RIOK1: variants seen among roughly 807,000 people sequenced by gnomAD.
RIOK1 encodes the protein serine/threonine-protein kinase RIO1.
Under a neutral mutation model 73.5 loss-of-function variants are expected in RIOK1, and 66 were observed. The ratio of observed to expected loss-of-function variants is 0.90; its 90% CI spans 0.74 to 1.10. The LOEUF (loss-of-function observed/expected upper bound fraction) is 1.10. RIOK1 is among the 50% of genes least tolerant of loss of function. RIOK1 has a pLI of 0.00. For synonymous variants in RIOK1, 224 were observed against 226.8 expected (o/e 0.99, Z 0.11); for missense variants, 658 against 699.8 (o/e 0.94, Z 0.67).
intron 16 of RIOK1, 142 bp from the exon 17 acceptor site, chr6:7,417,189 T>C: frequency 2.0e-6 from 1 of 504,100 alleles, no homozygotes; most frequent in South Asian, 2.6e-5. Context: ...AGGTGGAGGC[T>C]GAAGTGAACC....
In RIOK1 at chr6:7,403,929, A is replaced by T. The variant is rs1271966414; in HGVS notation, c.768-12A>T. On this transcript the variant is annotated splice_polypyrimidine_tract_variant and intron_variant, in intron 8 of 16. Coordinates refer to ENST00000379834, the MANE Select transcript of RIOK1 (RefSeq NM_031480.3). The stretch of plus-strand genomic sequence containing the variant: ...CTTTTCAGTTGTCCTTTTATTTGTT[A>T]TAATATCACAGGCTAAACACAGCAG... The T allele has an allele frequency of 2.5e-6, 4 of 1,594,954 alleles. No homozygotes were observed. In the South Asian group the frequency reaches 3.3e-5, roughly 13 times the overall value.
intron 8 of RIOK1, 118 bp from the exon 9 acceptor site, chr6:7,403,823 T>A: frequency 1.6e-6 from 1 of 638,702 alleles, no homozygotes. Context: ...TATAATACAT[T>A]TGAGAGGCCT....
In RIOK1 at chr6:7,409,103, A is replaced by G. The variant is rs570191175; in HGVS notation, c.1204-1283A>G. On this transcript the variant is annotated intron_variant, in intron 12 of 16. Transcript: ENST00000379834. ...CAGTGTGCAATTTCGGCTCACTGCA[A>G]TCTCCGCCTCCCAGGTTAAAGCAGT... Among the ~76,000 whole-genome samples, 8 of 151,918 alleles carry G rather than the reference A, an allele frequency of 5.3e-5. No individual in the cohort carries two copies. In the East Asian group the frequency reaches 1.4e-3, roughly 26 times the overall value.
chr6:7,408,582 T>C (rs1761806113), intron 12 of RIOK1, among the ~76,000 whole-genome samples: 1 of 152,160 alleles, frequency 6.6e-6, no homozygotes, highest in African/African-American at 2.4e-5. Context: ...AATTATGAAC[T>C]TTTATGGAAC....
At chr6:7,407,514 T>G in intron 12 of RIOK1, among the ~76,000 whole-genome samples, 1 of 151,112 alleles carries the variant, frequency 6.6e-6, no homozygotes, top group Admixed American at 6.6e-5. Flanking sequence ...AGAGACAGGG[T>G]CTCTCTGTTA....
rs1762037695 is a variant in RIOK1 at position 7,417,461 on chromosome 6, A to G, written c.*20A>G. On this transcript the variant is annotated 3_prime_UTR_variant, in exon 17 of 17. Coordinates refer to ENST00000379834, the MANE Select transcript of RIOK1 (RefSeq NM_031480.3). ...AAATAGAATGAGAACCATATTATGT[A>G]CAGTCATTTTCCTCAGTTCCTTTTC... 1 of 1,422,268 alleles carries G rather than the reference A, an allele frequency of 7.0e-7. No individual in the cohort carries two copies. 88.1% of individuals were successfully genotyped at this position (1,422,268 alleles called of 1,614,324 possible). A position where few individuals can be genotyped will look rare whatever the true frequency, so the allele number is the denominator to read the frequency against.
chr6:7,408,394 C>T (rs1761801675), intron 12 of RIOK1, among the ~76,000 whole-genome samples: 2 of 152,056 alleles, frequency 1.3e-5, no homozygotes, highest in Middle Eastern at 3.4e-3. Context: ...CAATACCTTC[C>T]CATTTCTGCC....
chr6:7,392,848 A>T (rs552333342), intron 1 of RIOK1: 119 of 833,418 alleles, frequency 1.4e-4, no homozygotes, highest in Non-Finnish European at 1.7e-4. Flanking sequence ...ACAAGGCAGA[A>T]GCAGATTTAA....
In RIOK1 at chr6:7,400,747, G is replaced by T. The variant is rs976191358; in HGVS notation, c.481-211G>T. On this transcript the variant is annotated intron_variant, in intron 5 of 16. Transcript: ENST00000379834. ...TTTCCATGACTGGATGAACTTGCTA[G>T]TTGGTTTTGCCTTTGGTTCCTTTGG... Among the ~76,000 whole-genome samples, 3 of 152,148 alleles carry T rather than the reference G, an allele frequency of 2.0e-5. No homozygotes were observed. The East Asian group carries it at 5.8e-4, about 29-fold the overall frequency.
chr6:7,392,919 G>A, intron 1 of RIOK1, 180 bp from the exon 2 acceptor site: 3 of 984,894 alleles, frequency 3.0e-6, no homozygotes, highest in Non-Finnish European at 3.6e-6. Flanking sequence ...AACTGCAACA[G>A]AACTGGAAAA....
intron 5 of RIOK1, among the ~76,000 whole-genome samples, chr6:7,399,666 A>G (rs1203874991): frequency 3.9e-5 from 6 of 152,098 alleles, no homozygotes; most frequent in East Asian, 1.9e-4. Context: ...CTGGTTTGTT[A>G]CTTCTTCCTA....
chr6:7,401,022 T>C lies in RIOK1; in HGVS notation c.545T>C (p.Ile182Thr). The C allele has an allele frequency of 1.2e-6, 2 of 1,609,542 alleles. No individual in the cohort carries two copies. Among genetic ancestry groups the C allele is most frequent in the East Asian group, 2.2e-5 (1 of 44,748 alleles). Reference protein sequence around the residue: ...KMLTRGIITEINGCISTGKEA... With the variant: ...KMLTRGIITETNGCISTGKEA... ...TTGACTAGAGGAATCATAACAGAGA[T>C]AAATGGCTGCATTAGCACAGGAAAA... Residue 182 changes from isoleucine to threonine, a missense_variant, in exon 6 of 17, where the codon ATA becomes ACA. Ile to Thr is a moderately conservative substitution (Grantham distance 89). Transcript: ENST00000379834.
Position 7,389,863 on chromosome 6 carries a change from C to A in RIOK1, c.-140C>A. 1 of 633,294 alleles carries A rather than the reference C, an allele frequency of 1.6e-6. No individual in the cohort carries two copies. 39.2% of individuals were successfully genotyped at this position (633,294 alleles called of 1,614,324 possible). On this transcript the variant is annotated 5_prime_UTR_variant, in exon 1 of 17. Coordinates refer to ENST00000379834, the MANE Select transcript of RIOK1 (RefSeq NM_031480.3). ...ATCTGTCGGTCCCGTTTTCCCGTCG[C>A]ACGTGGTGGCCACTGTTGGCTTCTG...
At chr6:7,406,282 C>T (rs1274992810) in intron 12 of RIOK1, among the ~76,000 whole-genome samples, 1 of 152,080 alleles carries the variant, frequency 6.6e-6, no homozygotes, top group Non-Finnish European at 1.5e-5. Context: ...CAGGTGTGAG[C>T]CACGACGCCC....
chr6:7,405,442 T>C (rs1049661050), intron 12 of RIOK1, 87 bp downstream of exon 12: 5 of 767,688 alleles, frequency 6.5e-6, no homozygotes, highest in African/African-American at 5.3e-5. Flanking sequence ...AGAAGTGTTT[T>C]GGATTTTGGA....
chr6:7,417,432 A>G lies in RIOK1; in HGVS notation c.1698A>G (p.Lys566=), dbSNP rs776346449. ...AGGAGAAGACAGCCAAGACGAAAAA[A>G]GGCAAATAGAATGAGAACCATATTA... is the stretch of plus-strand genomic sequence containing the variant. ...KRKEKTAKTK[K]GK is the part of the protein sequence containing the mutation. Residue 566 remains lysine (K), a synonymous_variant, in exon 17 of 17, where the codon AAA becomes AAG. Transcript: ENST00000379834. 1.3e-6 allele frequency: 2 copies of G among 1,540,022 alleles called. No individual in the cohort carries two copies. The highest frequency in any genetic ancestry group is 4.6e-5 in the East Asian group (2 of 43,660).
At chr6:7,411,549 T>A in intron 14 of RIOK1, 98 bp downstream of exon 14, 1 of 1,287,566 alleles carries the variant, frequency 7.8e-7, no homozygotes, top group South Asian at 1.3e-5. Context: ...TAATCTTGAA[T>A]ATTGGCTTCT....
intron 1 of RIOK1, among the ~76,000 whole-genome samples, chr6:7,391,447 A>G (rs1443960581): frequency 2.0e-5 from 3 of 152,234 alleles, no homozygotes; most frequent in African/African-American, 7.2e-5. Context: ...TTAGCCAGAG[A>G]AAGAGGAAGG....
intron 12 of RIOK1, among the ~76,000 whole-genome samples, chr6:7,409,754 G>A (rs372013152): frequency 2.3e-4 from 34 of 146,610 alleles, no homozygotes; most frequent in African/African-American, 7.8e-4. Flanking sequence ...AGAGGCGTGA[G>A]CCACTGTGCC....
Sources: gnomAD v4.1 joint callset for allele counts (sites outside exome capture counted in the v4.1 genomes callset) on GRCh38, gnomAD v4.1.1 for gene constraint, MANE v1.5 for transcripts, NCBI Gene and HGNC (gene_info 2026-07-23, HGNC 2026-07-21) for gene names.